Variants in NR5A2 observed in about 807,000 individuals in gnomAD.
NR5A2 encodes the protein CYP7A promoter-binding factor.
In NR5A2, 26 loss-of-function variants were observed where a neutral mutation model predicts 62.7. The ratio of observed to expected loss-of-function variants is 0.41; its 90% CI spans 0.30 to 0.58. NR5A2 has a LOEUF of 0.58. Among genes scored for constraint, NR5A2 ranks in the 20% least tolerant of loss-of-function variants. NR5A2 has a pLI of 0.22. For synonymous variants in NR5A2, 246 were observed against 241.7 expected, an observed-to-expected ratio of 1.02 and a Z score of -0.16; for missense variants, 541 against 669.1, an observed-to-expected ratio of 0.81 and a Z score of 2.11.
At chr1:200,114,835 C>T (rs556601755) in intron 6 of NR5A2, among the ~76,000 whole-genome samples, 14 of 152,206 alleles carry the variant, frequency 9.2e-5, no homozygotes, top group South Asian at 2.1e-4. Context: ...ATGGTCAGAT[C>T]GAGGCCAACT....
intron 5 of NR5A2, among the ~76,000 whole-genome samples, chr1:200,075,931 A>G (rs532538605): frequency 6.7e-6 from 1 of 149,736 alleles, no homozygotes; most frequent in East Asian, 2.0e-4. Flanking sequence ...GTGTTTATTT[A>G]TCATGTTTTG....
At chr1:200,105,777 A>C (rs1339896957) in intron 5 of NR5A2, among the ~76,000 whole-genome samples, 1 of 151,818 alleles carries the variant, frequency 6.6e-6, no homozygotes, top group Non-Finnish European at 1.5e-5. Context: ...CATAGTGAGA[A>C]CTCGTCTCTA....
At chr1:200,107,029 CG>C (rs1665709992) in intron 5 of NR5A2, among the ~76,000 whole-genome samples, 1 of 152,042 alleles carries the variant, frequency 6.6e-6, no homozygotes, top group Non-Finnish European at 1.5e-5. Flanking sequence ...GCTCGAGTGG[CG>C]GGGGCGGCGT....
At chr1:200,112,134 CAT>C (rs1407575097) in intron 6 of NR5A2, among the ~76,000 whole-genome samples, 1 of 151,238 alleles carries the variant, frequency 6.6e-6, no homozygotes, top group Non-Finnish European at 1.5e-5. Flanking sequence ...CATCCACAGA[CAT>C]GTGTTGCAGT....
At chr1:200,110,571 C>A (rs1412190118) in intron 5 of NR5A2, among the ~76,000 whole-genome samples, 1 of 152,110 alleles carries the variant, frequency 6.6e-6, no homozygotes, top group African/African-American at 2.4e-5. Context: ...GAGTTTGTGG[C>A]AAAATTGTCC....
At chr1:200,088,994 C>T (rs1246016371) in intron 5 of NR5A2, among the ~76,000 whole-genome samples, 2 of 152,192 alleles carry the variant, frequency 1.3e-5, no homozygotes, top group African/African-American at 4.8e-5. Flanking sequence ...TAGCTCCTCT[C>T]CCTCTACCCA....
Position 200,033,683 on chromosome 1 carries a change from G to A in NR5A2, c.64+5772G>A, listed in dbSNP as rs1661632856. Among the ~76,000 whole-genome samples, 5 of 152,288 alleles carry A rather than the reference G, an allele frequency of 3.3e-5. No individual in the cohort carries two copies. The South Asian group carries it at 1.0e-3, about 32-fold the overall frequency. On this transcript the variant is annotated intron_variant, in intron 1 of 7. Transcript: ENST00000367362. The stretch of plus-strand genomic sequence containing the variant: ...GAGAAAACAAGTGAATCTCTCTCAA[G>A]CCTTGGCACACACTGTACACCATCT...
chr1:200,111,139 A>G, intron 5 of NR5A2, 63 bp from the exon 6 acceptor site: 1 of 1,569,076 alleles, frequency 6.4e-7, no homozygotes, highest in Non-Finnish European at 8.6e-7. Context: ...AAAAACAAAA[A>G]AGTAGTGAAT....
At chr1:200,074,984 A>T (rs1265250622) in intron 5 of NR5A2, among the ~76,000 whole-genome samples, 1 of 152,152 alleles carries the variant, frequency 6.6e-6, no homozygotes, top group Non-Finnish European at 1.5e-5. Flanking sequence ...TTACTTATTT[A>T]TAAACTATAT....
intron 5 of NR5A2, among the ~76,000 whole-genome samples, chr1:200,068,219 A>G (rs1423838054): frequency 1.3e-5 from 2 of 152,204 alleles, no homozygotes; most frequent in Non-Finnish European, 2.9e-5. Flanking sequence ...TAGTCTTTCC[A>G]AGGCTTCTCT....
chr1:200,051,318 T>G (rs1363537029), intron 5 of NR5A2, among the ~76,000 whole-genome samples: 2 of 152,224 alleles, frequency 1.3e-5, no homozygotes, highest in Non-Finnish European at 2.9e-5. Context: ...AGCTAGCGGC[T>G]GTAAGGCATT....
chr1:200,034,047 C>G (rs767701540), intron 1 of NR5A2, among the ~76,000 whole-genome samples: 1 of 152,166 alleles, frequency 6.6e-6, no homozygotes, highest in Non-Finnish European at 1.5e-5. Context: ...GTTTCCCCTT[C>G]CATCAAGAAG....
intron 7 of NR5A2, among the ~76,000 whole-genome samples, chr1:200,130,215 T>C (rs1246959323): frequency 7.1e-6 from 1 of 141,364 alleles, no homozygotes; most frequent in Non-Finnish European, 1.6e-5. Flanking sequence ...TTTTGCAACA[T>C]TACATCCAGT....
chr1:200,139,137 T>C (rs1667347591), intron 7 of NR5A2, among the ~76,000 whole-genome samples: 1 of 152,214 alleles, frequency 6.6e-6, no homozygotes, highest in Non-Finnish European at 1.5e-5. Context: ...TGTTACTAAT[T>C]TATTCTAGCT....
intron 7 of NR5A2, among the ~76,000 whole-genome samples, chr1:200,127,243 TA>T (rs1666743681): frequency 6.6e-6 from 1 of 152,194 alleles, no homozygotes; most frequent in Admixed American, 6.5e-5. Flanking sequence ...ATGAGCATAT[TA>T]AAAATACTGT....
At chr1:200,049,136 A>G (rs1003005321) in intron 5 of NR5A2, among the ~76,000 whole-genome samples, 1 of 152,112 alleles carries the variant, frequency 6.6e-6, no homozygotes, top group African/African-American at 2.4e-5. Context: ...AAAACATTTC[A>G]AGTCAATGTG....
intron 7 of NR5A2, among the ~76,000 whole-genome samples, chr1:200,158,494 G>A (rs2102375379): frequency 6.6e-6 from 1 of 152,268 alleles, no homozygotes; most frequent in South Asian, 2.1e-4. Flanking sequence ...TGTTAAAATT[G>A]GTGATACATT....
Position 200,027,782 on chromosome 1 carries a change from C to A in NR5A2, c.-66C>A. 8.3e-7 allele frequency: 1 copy of A among 1,205,388 alleles called. No homozygotes were observed. The highest frequency in any genetic ancestry group is 1.2e-6 in the Non-Finnish European group (1 of 834,480). 74.7% of individuals were successfully genotyped at this position (1,205,388 alleles called of 1,614,324 possible). ...TCCCAAGGCCACGAAATTTGACAAG[C>A]TGCACTTTTCTTTTGCTCAATGATT... On this transcript the variant is annotated 5_prime_UTR_variant, in exon 1 of 8. The change creates a new upstream start codon in the 5' untranslated region. Coordinates refer to ENST00000367362, the MANE Select transcript of NR5A2 (RefSeq NM_205860.3).
chr1:200,112,910 A>G (rs1049796350), intron 6 of NR5A2, among the ~76,000 whole-genome samples: 2 of 152,220 alleles, frequency 1.3e-5, no homozygotes, highest in Non-Finnish European at 2.9e-5. Flanking sequence ...CAGAAATGAA[A>G]TGGGTTTGTG....
Sources: gnomAD v4.1 joint callset for allele counts (sites outside exome capture counted in the v4.1 genomes callset) on GRCh38, gnomAD v4.1.1 for gene constraint, MANE v1.5 for transcripts, NCBI Gene and HGNC (gene_info 2026-07-23, HGNC 2026-07-21) for gene names.